The following NTRK3 variants were observed in gnomAD, a reference collection of about 807,000 sequenced individuals.
The protein encoded by NTRK3 is NT-3 growth factor receptor.
Under a neutral mutation model 91.7 loss-of-function variants are expected in NTRK3, and 24 were observed. That is an observed-to-expected ratio of 0.26 (90% CI 0.19 to 0.37). The LOEUF (loss-of-function observed/expected upper bound fraction) is 0.37. NTRK3 is among the 10% of genes least tolerant of loss of function. The pLI is 1.00. For synonymous variants in NTRK3, 483 were observed against 404.0 expected, an observed-to-expected ratio of 1.20 and a Z score of -2.34; for missense variants, 880 against 1,068.9, an observed-to-expected ratio of 0.82 and a Z score of 2.46.
intron 5 of NTRK3, among the ~76,000 whole-genome samples, chr15:88,152,620 A>G (rs976666686): frequency 6.6e-6 from 1 of 152,188 alleles, no homozygotes; most frequent in Non-Finnish European, 1.5e-5. Context: ...TGTTTAACCC[A>G]CCCAGACTGT....
intron 3 of NTRK3, among the ~76,000 whole-genome samples, chr15:88,242,244 C>T (rs886659597): frequency 7.9e-5 from 12 of 152,162 alleles, no homozygotes; most frequent in Non-Finnish European, 1.6e-4. Flanking sequence ...AAATGAAACT[C>T]GCTTCTCTTG....
chr15:88,154,918 T>A (rs2043747388), intron 5 of NTRK3, among the ~76,000 whole-genome samples: 1 of 152,212 alleles, frequency 6.6e-6, no homozygotes, highest in African/African-American at 2.4e-5. Context: ...CCATGGAGTG[T>A]CTAGCCAAAA....
At chr15:88,246,938 C>A (rs190507531) in intron 3 of NTRK3, among the ~76,000 whole-genome samples, 87 of 141,688 alleles carry the variant, frequency 6.1e-4, no homozygotes, top group Admixed American at 2.0e-3. Flanking sequence ...GCCACACGCC[C>A]GGCTCCCGCC....
intron 5 of NTRK3, among the ~76,000 whole-genome samples, chr15:88,180,213 G>C (rs2046337344): frequency 6.6e-6 from 1 of 152,130 alleles, no homozygotes; most frequent in South Asian, 2.1e-4. Context: ...TTGGCATACA[G>C]CTATTGCAAT....
rs1213694348 is a variant in NTRK3, at chr15:87,885,743, T to TA, written c.2134-5316dup. The TA allele has an allele frequency of 2.4e-6, 3 of 1,255,754 alleles. No homozygotes were observed. 77.8% of individuals were successfully genotyped at this position (1,255,754 alleles called of 1,614,324 possible). A position where few individuals can be genotyped will look rare whatever the true frequency, so the allele number is the denominator to read the frequency against. On this transcript the variant is annotated intron_variant, in intron 17 of 18. Coordinates refer to ENST00000394480, the Ensembl canonical transcript of NTRK3. ...TCCAGATGGATTAAAGAGCTAAACA[T>TA]AAAAAACAAAACAATAATAATATTA... is the stretch of plus-strand genomic sequence containing the variant.
At chr15:87,899,960 A>G (rs549923034) in intron 17 of NTRK3, among the ~76,000 whole-genome samples, 8 of 152,290 alleles carry the variant, frequency 5.3e-5, no homozygotes, top group South Asian at 2.1e-4. Context: ...CTCTTCATCC[A>G]ATGGAAAATG....
At chr15:87,906,540 C>A (rs569938826) in intron 17 of NTRK3, among the ~76,000 whole-genome samples, 2 of 152,154 alleles carry the variant, frequency 1.3e-5, no homozygotes, top group Non-Finnish European at 2.9e-5. Flanking sequence ...AGTGCCACAG[C>A]CACCTGGTTT....
At chr15:88,045,130 C>T (rs2080057383) in intron 13 of NTRK3, among the ~76,000 whole-genome samples, 1 of 152,212 alleles carries the variant, frequency 6.6e-6, no homozygotes, top group African/African-American at 2.4e-5. Context: ...ATCCAAGTCT[C>T]AGGACCTATA....
At chr15:88,082,978 T>G (rs1389311483) in intron 13 of NTRK3, among the ~76,000 whole-genome samples, 1 of 152,094 alleles carries the variant, frequency 6.6e-6, no homozygotes, top group Non-Finnish European at 1.5e-5. Context: ...GGTCAAAAAT[T>G]AAGAGGGAAG....
intron 13 of NTRK3, among the ~76,000 whole-genome samples, chr15:88,054,029 T>C (rs1330635813): frequency 6.6e-6 from 1 of 152,088 alleles, no homozygotes; most frequent in African/African-American, 2.4e-5. Context: ...AAGGGGAAAA[T>C]AAAGCCGATA....
chr15:87,889,041 CCT>C (rs1270687781), intron 17 of NTRK3, among the ~76,000 whole-genome samples: 4 of 152,148 alleles, frequency 2.6e-5, no homozygotes, highest in East Asian at 1.9e-4. Context: ...GCCTTCTCCC[CCT>C]GTTTCTCCTT....
At chr15:88,101,580 C>T (rs560409118) in intron 13 of NTRK3, among the ~76,000 whole-genome samples, 43 of 152,258 alleles carry the variant, frequency 2.8e-4, no homozygotes, top group Non-Finnish European at 5.6e-4. Flanking sequence ...ATGTTTATCG[C>T]GGCACTATTC....
chr15:88,238,978 G>T (rs765655242), intron 3 of NTRK3, among the ~76,000 whole-genome samples: 3 of 152,220 alleles, frequency 2.0e-5, no homozygotes, highest in Non-Finnish European at 4.4e-5. Context: ...GACGAGAGCA[G>T]TTCTCCACTC....
chr15:88,137,290 G>T, intron 7 of NTRK3, 114 bp downstream of exon 7: 1 of 1,229,374 alleles, frequency 8.1e-7, no homozygotes, highest in Non-Finnish European at 1.2e-6. Context: ...GTTCAAGGCT[G>T]GGAGGGCGTT....
chr15:87,880,938 G>C (rs2065209074), intron 17 of NTRK3, among the ~76,000 whole-genome samples: 1 of 152,224 alleles, frequency 6.6e-6, no homozygotes, highest in Non-Finnish European at 1.5e-5. Context: ...TTCAAGTGAA[G>C]GAGACAGAGA....
chr15:88,126,484 C>G (rs1334048407), intron 12 of NTRK3, 111 bp from the exon 13 acceptor site: 2 of 695,042 alleles, frequency 2.9e-6, no homozygotes, highest in Non-Finnish European at 5.1e-6. Flanking sequence ...GTAATTGTAG[C>G]CTTCTCAGAA....
intron 14 of NTRK3, among the ~76,000 whole-genome samples, chr15:87,982,702 T>C (rs1326000304): frequency 2.0e-5 from 3 of 152,218 alleles, no homozygotes; most frequent in South Asian, 2.1e-4. Context: ...GCCAATCCTA[T>C]TGAGTCAAGA....
intron 17 of NTRK3, among the ~76,000 whole-genome samples, chr15:87,914,600 G>A (rs12595693): frequency 0.22 from 33,783 of 152,126 alleles, 3,797 homozygotes; most frequent in South Asian, 0.27. Flanking sequence ...TGTGCTAAAC[G>A]TGGGTGAGCT....
intron 14 of NTRK3, among the ~76,000 whole-genome samples, chr15:88,024,088 G>A (rs1217896895): frequency 1.3e-5 from 2 of 152,208 alleles, no homozygotes; most frequent in Non-Finnish European, 2.9e-5. Context: ...CAGGCTCTGT[G>A]CTCCCCACCA....
Sources: gnomAD v4.1 joint callset for allele counts (sites outside exome capture counted in the v4.1 genomes callset) on GRCh38, gnomAD v4.1.1 for gene constraint, MANE v1.5 for transcripts, NCBI Gene and HGNC (gene_info 2026-07-23, HGNC 2026-07-21) for gene names.